Variants in ENTREP2 observed in about 807,000 individuals in gnomAD.
The protein encoded by ENTREP2 is protein ENTREP2.
chr15:29,538,685 T>C, the ENTREP2 span, among the ~76,000 whole-genome samples: 7 of 147,670 alleles, frequency 4.7e-5, no homozygotes, highest in East Asian at 1.4e-3. Context: ...GGCGGGCGCC[T>C]GTAGTCCCAG....
chr15:29,381,812 A>G, the ENTREP2 span: 1 of 1,551,658 alleles, frequency 6.4e-7, no homozygotes. Flanking sequence ...GACGACACCT[A>G]TGAGTCCCGA....
the ENTREP2 span, chr15:29,265,454 C>T: frequency 6.6e-6 from 1 of 152,216 alleles, no homozygotes; most frequent in Admixed American, 6.5e-5. Flanking sequence ...CCCTGGCCAA[C>T]ATGGCAAAAC....
the ENTREP2 span, among the ~76,000 whole-genome samples, chr15:29,262,717 A>T: frequency 6.6e-6 from 1 of 152,202 alleles, no homozygotes; most frequent in African/African-American, 2.4e-5. Flanking sequence ...TGCTCTTGCA[A>T]ATTATTTGAA....
the ENTREP2 span, among the ~76,000 whole-genome samples, chr15:29,270,436 G>A: frequency 0.23 from 35,252 of 152,192 alleles, 6,791 homozygotes; most frequent in African/African-American, 0.53. Context: ...AAACGTGTCA[G>A]TATTAGGTAA....
the ENTREP2 span, among the ~76,000 whole-genome samples, chr15:29,590,402 G>T: frequency 6.6e-6 from 1 of 152,168 alleles, no homozygotes; most frequent in African/African-American, 2.4e-5. Context: ...TGAGTTCAAG[G>T]CCAGGCGCGG....
At chr15:29,425,970 ATAAC>A in the ENTREP2 span, among the ~76,000 whole-genome samples, 1 of 150,494 alleles carries the variant, frequency 6.6e-6, no homozygotes, top group South Asian at 2.1e-4. Context: ...TTTATCTTTA[ATAAC>A]TAAATATAAT....
the ENTREP2 span, chr15:29,268,718 C>T: frequency 2.0e-6 from 3 of 1,481,886 alleles, no homozygotes; most frequent in East Asian, 6.8e-5. Context: ...GTTCGTTCTC[C>T]CTTCCCCCAA....
the ENTREP2 span, among the ~76,000 whole-genome samples, chr15:29,370,388 A>G: frequency 6.6e-6 from 1 of 152,222 alleles, no homozygotes; most frequent in African/African-American, 2.4e-5. Flanking sequence ...AGGACATTTT[A>G]TAATGATAAA....
the ENTREP2 span, among the ~76,000 whole-genome samples, chr15:29,333,755 C>T: frequency 3.3e-5 from 5 of 152,030 alleles, no homozygotes; most frequent in African/African-American, 1.2e-4. Flanking sequence ...CCTCCAATAC[C>T]TGAGACTGTG....
chr15:29,414,027 T>TA, the ENTREP2 span, among the ~76,000 whole-genome samples: 2 of 152,214 alleles, frequency 1.3e-5, no homozygotes, highest in South Asian at 4.2e-4. Context: ...CAAAGAGACT[T>TA]AGACTCCCAC....
At chr15:29,171,635 G>C in the ENTREP2 span, among the ~76,000 whole-genome samples, 1,496 of 152,012 alleles carry the variant, frequency 9.8e-3, 24 homozygotes, top group African/African-American at 0.035. Flanking sequence ...AGCAATACCC[G>C]ATTAGCAATT....
chr15:29,438,877 A>C, the ENTREP2 span, among the ~76,000 whole-genome samples: 2 of 152,204 alleles, frequency 1.3e-5, no homozygotes, highest in African/African-American at 4.8e-5. Context: ...ACACACATGA[A>C]ACAAGGTTAT....
the ENTREP2 span, among the ~76,000 whole-genome samples, chr15:29,412,050 C>T: frequency 6.6e-6 from 1 of 152,178 alleles, no homozygotes; most frequent in Admixed American, 6.5e-5. Flanking sequence ...TTTCCTTGGC[C>T]TATGGCTCTG....
At chr15:29,671,153 G>A in the ENTREP2 span, among the ~76,000 whole-genome samples, 405 of 152,326 alleles carry the variant, frequency 2.7e-3, 2 homozygotes, top group African/African-American at 9.0e-3. Flanking sequence ...GAACTTCCAG[G>A]TTGGCAAACA....
chr15:29,227,985 A>G, the ENTREP2 span, among the ~76,000 whole-genome samples: 6 of 152,142 alleles, frequency 3.9e-5, no homozygotes, highest in African/African-American at 9.7e-5. Flanking sequence ...CCGATGAGAA[A>G]AAAAAAAGAA....
chr15:29,485,860 C>T, the ENTREP2 span, among the ~76,000 whole-genome samples: 4 of 152,050 alleles, frequency 2.6e-5, no homozygotes, highest in African/African-American at 4.8e-5. Context: ...AAAGACAGAA[C>T]GTAATAAATG....
At chr15:29,531,177 C>T in the ENTREP2 span, among the ~76,000 whole-genome samples, 9 of 152,170 alleles carry the variant, frequency 5.9e-5, no homozygotes, top group African/African-American at 1.9e-4. Flanking sequence ...CCTGACTTTG[C>T]AAATCCTTTA....
chr15:29,450,453 C>G, the ENTREP2 span, among the ~76,000 whole-genome samples: 1 of 152,132 alleles, frequency 6.6e-6, no homozygotes, highest in South Asian at 2.1e-4. Context: ...CTATGGTTAG[C>G]CAGCTATCCC....
the ENTREP2 span, among the ~76,000 whole-genome samples, chr15:29,502,548 G>C: frequency 1.3e-5 from 2 of 151,800 alleles, no homozygotes; most frequent in Admixed American, 6.6e-5. Context: ...TTTTTGGAAA[G>C]GACACTGAAA....
Sources: gnomAD v4.1 joint callset for allele counts (sites outside exome capture counted in the v4.1 genomes callset) on GRCh38, gnomAD v4.1.1 for gene constraint, MANE v1.5 for transcripts, NCBI Gene and HGNC (gene_info 2026-07-23, HGNC 2026-07-21) for gene names.